Variants in ZNF469 observed in about 807,000 individuals in gnomAD.
ZNF469 encodes the protein zinc finger protein 469.
In ZNF469, 1 loss-of-function variant was observed where a neutral mutation model predicts 1.0. The ratio of observed to expected loss-of-function variants is 1.00; its 90% CI spans 0.35 to 4.73. The LOEUF is 4.73. Ranked by LOEUF, ZNF469 falls within the 30% of genes most tolerant of loss-of-function variation. The pLI, the probability that ZNF469 is intolerant of heterozygous loss-of-function variation, is 0.16. For missense variants in ZNF469, 6,100 were observed against 5,356.3 expected, an observed-to-expected ratio of 1.14 and a Z score of -4.33; for synonymous variants, 2,703 against 2,363.4, an observed-to-expected ratio of 1.14 and a Z score of -4.17.
the ZNF469 span, chr16:88,178,612 G>C: frequency 1.3e-5 from 2 of 152,178 alleles, no homozygotes; most frequent in Non-Finnish European, 2.9e-5. Context: ...CCTCTTCCCA[G>C]AGGTTTGTTT....
chr16:88,415,865 C>T (rs894640213), intron 1 of ZNF469, among the ~76,000 whole-genome samples: 3 of 152,222 alleles, frequency 2.0e-5, no homozygotes, highest in Admixed American at 6.5e-5. Flanking sequence ...GGCACACAGT[C>T]GGTGCTCATA....
the ZNF469 span, among the ~76,000 whole-genome samples, chr16:88,299,154 G>A: frequency 6.8e-6 from 1 of 147,598 alleles, no homozygotes; most frequent in Admixed American, 6.7e-5. Context: ...GGGGTGGGGA[G>A]GGCTTCCTGG....
chr16:88,134,301 C>G, the ZNF469 span, among the ~76,000 whole-genome samples: 1 of 152,194 alleles, frequency 6.6e-6, no homozygotes, highest in Non-Finnish European at 1.5e-5. Flanking sequence ...CATGGCTGCA[C>G]GGTGCACTGT....
chr16:88,404,276 C>T (rs1255537403), intron 1 of ZNF469, among the ~76,000 whole-genome samples: 1 of 152,182 alleles, frequency 6.6e-6, no homozygotes, highest in African/African-American at 2.4e-5. Context: ...CTTTTACAAG[C>T]GGATTCTAGA....
intron 1 of ZNF469, among the ~76,000 whole-genome samples, chr16:88,418,084 G>T (rs1905352224): frequency 1.3e-5 from 2 of 152,186 alleles, no homozygotes; most frequent in African/African-American, 4.8e-5. Context: ...AATAACAGCT[G>T]CCCCAGCTGG....
chr16:88,338,447 G>A, the ZNF469 span, among the ~76,000 whole-genome samples: 2 of 152,206 alleles, frequency 1.3e-5, no homozygotes, highest in South Asian at 2.1e-4. Context: ...AGGTGGCCTC[G>A]GGTGATGCAC....
At chr16:88,120,332 G>A in the ZNF469 span, among the ~76,000 whole-genome samples, 1 of 152,256 alleles carries the variant, frequency 6.6e-6, no homozygotes, top group East Asian at 1.9e-4. Context: ...GCATGTGTGT[G>A]TTACAGAAAT....
At chr16:88,268,116 G>A in the ZNF469 span, among the ~76,000 whole-genome samples, 5 of 152,094 alleles carry the variant, frequency 3.3e-5, no homozygotes, top group Admixed American at 2.0e-4. Flanking sequence ...TTGACATGTC[G>A]TCTTTGGTGA....
the ZNF469 span, among the ~76,000 whole-genome samples, chr16:88,225,974 C>T: frequency 6.6e-6 from 1 of 152,006 alleles, no homozygotes; most frequent in South Asian, 2.1e-4. Context: ...CACCCTGGCT[C>T]CTTGCACATG....
At chr16:88,226,512 G>A in the ZNF469 span, among the ~76,000 whole-genome samples, 1 of 152,086 alleles carries the variant, frequency 6.6e-6, no homozygotes, top group Non-Finnish European at 1.5e-5. Flanking sequence ...CCTTGATGTT[G>A]GGCTGTGACC....
At chr16:88,215,383 A>ACTTT in the ZNF469 span, among the ~76,000 whole-genome samples, 2,055 of 94,018 alleles carry the variant, frequency 0.022, 131 homozygotes, top group Middle Eastern at 0.035. Flanking sequence ...TTGCCTTTTA[A>ACTTT]TTTTTTTTTT....
the ZNF469 span, among the ~76,000 whole-genome samples, chr16:88,316,018 C>T: frequency 6.6e-6 from 1 of 152,256 alleles, no homozygotes; most frequent in Non-Finnish European, 1.5e-5. Context: ...CATGCACCTG[C>T]AGCTCTGTAG....
the ZNF469 span, among the ~76,000 whole-genome samples, chr16:88,132,350 A>G: frequency 1.3e-5 from 2 of 152,222 alleles, no homozygotes; most frequent in Non-Finnish European, 2.9e-5. Context: ...CTGGCTGCCC[A>G]GAAGAGAGGC....
chr16:88,416,359 C>A (rs1229920144), intron 1 of ZNF469, among the ~76,000 whole-genome samples: 1 of 152,220 alleles, frequency 6.6e-6, no homozygotes, highest in Non-Finnish European at 1.5e-5. Context: ...TATTGCTGCC[C>A]GGGCGTCCTC....
At chr16:88,236,419 C>T in the ZNF469 span, among the ~76,000 whole-genome samples, 1 of 152,248 alleles carries the variant, frequency 6.6e-6, no homozygotes, top group Non-Finnish European at 1.5e-5. Context: ...AATGTGAGTG[C>T]TGGTCAGCTG....
the ZNF469 span, among the ~76,000 whole-genome samples, chr16:88,150,512 C>T: frequency 8.1e-4 from 124 of 152,238 alleles, 3 homozygotes; most frequent in East Asian, 0.019. Flanking sequence ...TAGGGTCATC[C>T]GGAGGGGTTG....
chr16:88,249,413 C>CTTT, the ZNF469 span, among the ~76,000 whole-genome samples: 2 of 101,194 alleles, frequency 2.0e-5, no homozygotes, highest in Admixed American at 1.3e-4. Flanking sequence ...TTTTCTTTTT[C>CTTT]TTTCTTTTTC....
the ZNF469 span, among the ~76,000 whole-genome samples, chr16:88,215,204 T>A: frequency 1.3e-5 from 2 of 152,142 alleles, no homozygotes; most frequent in African/African-American, 4.8e-5. Flanking sequence ...TTTAATGTAA[T>A]TACTGAAATA....
chr16:88,439,272 G>C lies in ZNF469; in HGVS notation c.11802G>C (p.Gln3934His), dbSNP rs1906839182. The change falls in exon 3 of 3, where the codon CAG becomes CAC. Residue 3934 changes from glutamine to histidine, a missense_variant. Transcript: ENST00000565624. Reference protein sequence around the residue: ...TAEAQSDLLSQLFGQRLTGFK... With the variant: ...TAEAQSDLLSHLFGQRLTGFK... ...AGGCCCAGAGTGACCTCCTCAGCCA[G>C]CTCTTCGGGCAGAGACTAACTGGCT... 6.5e-7 allele frequency: 1 copy of C among 1,550,362 alleles called. No homozygotes were observed. The highest frequency in any genetic ancestry group is 2.4e-5 in the East Asian group (1 of 40,940).
Sources: gnomAD v4.1 joint callset for allele counts (sites outside exome capture counted in the v4.1 genomes callset) on GRCh38, gnomAD v4.1.1 for gene constraint, MANE v1.5 for transcripts, NCBI Gene and HGNC (gene_info 2026-07-23, HGNC 2026-07-21) for gene names.